PTPRE: variants seen among roughly 807,000 people sequenced by gnomAD.
The protein encoded by PTPRE is protein tyrosine phosphatase receptor type E, also known as receptor-type tyrosine-protein phosphatase epsilon.
Under a neutral mutation model 102.0 loss-of-function variants are expected in PTPRE, and 51 were observed. The observed-to-expected ratio is 0.50, with a 90% CI of 0.40 to 0.63. The LOEUF is 0.63. Among genes scored for constraint, PTPRE ranks in the 30% least tolerant of loss-of-function variants. The pLI is 0.00. For synonymous variants in PTPRE, 345 were observed against 348.2 expected (o/e 0.99, Z 0.10); for missense variants, 752 against 915.1 (o/e 0.82, Z 2.30).
At chr10:128,011,068 G>A (rs1844973749) in intron 2 of PTPRE, among the ~76,000 whole-genome samples, 1 of 152,166 alleles carries the variant, frequency 6.6e-6, no homozygotes, top group Non-Finnish European at 1.5e-5. Context: ...AATATTTATG[G>A]AAGAATCGAT....
chr10:127,979,664 T>G (rs577647779), intron 1 of PTPRE, among the ~76,000 whole-genome samples: 54 of 152,348 alleles, frequency 3.5e-4, no homozygotes, highest in Non-Finnish European at 5.9e-4. Flanking sequence ...GAGTTCAGTG[T>G]ATTCTTGCCT....
intron 2 of PTPRE, among the ~76,000 whole-genome samples, chr10:127,982,541 C>T (rs996241750): frequency 6.7e-6 from 1 of 150,330 alleles, no homozygotes; most frequent in Non-Finnish European, 1.5e-5. Flanking sequence ...AAATTTGGCT[C>T]AGCTGCTTGG....
intron 2 of PTPRE, among the ~76,000 whole-genome samples, chr10:128,040,430 T>C (rs1847579795): frequency 6.6e-6 from 1 of 151,928 alleles, no homozygotes; most frequent in African/African-American, 2.4e-5. Context: ...TTGCTGGGTG[T>C]GAAGAGGACA....
At chr10:127,956,760 A>G (rs1849434445) in intron 1 of PTPRE, among the ~76,000 whole-genome samples, 1 of 152,224 alleles carries the variant, frequency 6.6e-6, no homozygotes, top group Non-Finnish European at 1.5e-5. Context: ...GATTTTGGCT[A>G]TTACAATAGG....
chr10:127,911,404 G>T (rs1338091263), intron 1 of PTPRE, among the ~76,000 whole-genome samples: 1 of 152,142 alleles, frequency 6.6e-6, no homozygotes, highest in Non-Finnish European at 1.5e-5. Context: ...AACCAGGCTG[G>T]GTGTGAGGCA....
At chr10:127,919,735 G>A (rs114036643) in intron 1 of PTPRE, among the ~76,000 whole-genome samples, 2,143 of 152,288 alleles carry the variant, frequency 0.014, 56 homozygotes, top group African/African-American at 0.049. Flanking sequence ...TGTGGTTTCC[G>A]CCTGGCAAAT....
At chr10:127,982,448 C>G (rs1400648912) in intron 2 of PTPRE, among the ~76,000 whole-genome samples, 152 bp downstream of exon 2, 1 of 151,504 alleles carries the variant, frequency 6.6e-6, no homozygotes, top group East Asian at 1.9e-4. Flanking sequence ...CCTTACCTTG[C>G]TTGAGCAGGC....
At chr10:127,917,343 C>T (rs1301373118) in intron 1 of PTPRE, among the ~76,000 whole-genome samples, 2 of 152,030 alleles carry the variant, frequency 1.3e-5, no homozygotes, top group African/African-American at 2.4e-5. Flanking sequence ...CTGATGGTGC[C>T]AATGTTTGTG....
At chr10:127,918,024 A>T (rs543301408) in intron 1 of PTPRE, among the ~76,000 whole-genome samples, 1 of 151,986 alleles carries the variant, frequency 6.6e-6, no homozygotes, top group Non-Finnish European at 1.5e-5. Context: ...GTGAGACACC[A>T]TCTCAAAAAA....
chr10:127,959,030 G>A (rs976002312), intron 1 of PTPRE, among the ~76,000 whole-genome samples: 11 of 151,832 alleles, frequency 7.2e-5, no homozygotes, highest in African/African-American at 2.4e-4. Flanking sequence ...CCGAATAGCT[G>A]GGATTACAGG....
At position 128,070,790 on chromosome 10, in the gene PTPRE, T is replaced by C; in HGVS notation, c.1294-18T>C. ...TGTCAGAGGTTTAACTGTGTCATTATATCCTTCTCTGCTGCAGAAATTGAC... is the reference window on the plus strand; with the variant it reads ...TGTCAGAGGTTTAACTGTGTCATTACATCCTTCTCTGCTGCAGAAATTGAC... On this transcript the variant is annotated intron_variant, in intron 14 of 20. Coordinates refer to ENST00000254667, the MANE Select transcript of PTPRE (RefSeq NM_006504.6). The surrounding 1 kb of genome is among the most constrained non-coding windows in gnomAD (Gnocchi z 4.8). 6.2e-7 allele frequency: 1 copy of C among 1,607,434 alleles called. No individual in the cohort carries two copies. The highest frequency in any genetic ancestry group is 8.5e-7 in the Non-Finnish European group (1 of 1,173,940).
chr10:127,912,315 CAT>C, intron 1 of PTPRE, among the ~76,000 whole-genome samples: 1 of 152,264 alleles, frequency 6.6e-6, no homozygotes, highest in African/African-American at 2.4e-5. Context: ...GAAAAATAAA[CAT>C]ATCCTTTTAT....
In PTPRE at chr10:128,008,256, TCTCCCTCATTCCCTCCCTCCCTCC is replaced by T. The variant is rs1489389622; in HGVS notation, c.-8+25965_-8+25988del. Among the ~76,000 whole-genome samples the T allele has an allele frequency of 8.5e-6, 1 of 117,588 alleles. No homozygotes were observed. Among genetic ancestry groups the T allele is most frequent in the Non-Finnish European group, 1.7e-5 (1 of 57,238 alleles). 77.1% of individuals were successfully genotyped at this position (117,588 alleles called of 152,430 possible). A position where few individuals can be genotyped will look rare whatever the true frequency, so the allele number is the denominator to read the frequency against. ...CCCTCCCTTTCACCCTCCCTCCCTC[TCTCCCTCATTCCCTCCCTCCCTCC>T]CTCCAGGTGCCTTTGCAGCCTCAGG... On this transcript the variant is annotated intron_variant, in intron 2 of 20. Transcript: ENST00000254667. The surrounding 1 kb of genome is among the most constrained non-coding windows in gnomAD (Gnocchi z 4.0).
Position 128,028,205 on chromosome 10 carries a change from C to T in PTPRE, c.-7-12670C>T, listed in dbSNP as rs1846428481. Reference sequence around the variant, plus strand: ...GGAGGTTAGCCATGTTTGTCAGGCTCAGGGAGAAGTGAGGAGGCCTCCTTA... The same window carrying T: ...GGAGGTTAGCCATGTTTGTCAGGCTTAGGGAGAAGTGAGGAGGCCTCCTTA... On this transcript the variant is annotated intron_variant, in intron 2 of 20. Transcript: ENST00000254667. This position sits in a 1 kb window ranked among gnomAD's most constrained non-coding sequence, Gnocchi z 4.5. Among the ~76,000 whole-genome samples, 1 of 152,182 alleles carries T rather than the reference C, an allele frequency of 6.6e-6. No homozygotes were observed. Among genetic ancestry groups the T allele is most frequent in the Non-Finnish European group, 1.5e-5 (1 of 68,030 alleles).
At chr10:127,997,624 A>T (rs1429603798) in intron 2 of PTPRE, among the ~76,000 whole-genome samples, 1 of 152,252 alleles carries the variant, frequency 6.6e-6, no homozygotes, top group Non-Finnish European at 1.5e-5. Context: ...TATGTGTACT[A>T]GTTACAAATA....
At chr10:128,050,817 G>A (rs1848511406) in intron 6 of PTPRE, among the ~76,000 whole-genome samples, 1 of 152,228 alleles carries the variant, frequency 6.6e-6, no homozygotes, top group East Asian at 1.9e-4. Context: ...GTAAACAACA[G>A]TGTTGTGCAG....
At chr10:128,016,132 G>C (rs1242646182) in intron 2 of PTPRE, among the ~76,000 whole-genome samples, 1 of 152,150 alleles carries the variant, frequency 6.6e-6, no homozygotes, top group Non-Finnish European at 1.5e-5. Context: ...TGTTCCTCCA[G>C]GGGACCAGGG....
intron 1 of PTPRE, among the ~76,000 whole-genome samples, chr10:127,909,992 C>T (rs1845758257): frequency 6.6e-6 from 1 of 152,172 alleles, no homozygotes; most frequent in Non-Finnish European, 1.5e-5. Context: ...GGGAGGCAGG[C>T]TTGGGAGCAG....
At chr10:127,995,061 A>G (rs958256198) in intron 2 of PTPRE, among the ~76,000 whole-genome samples, 8 of 152,138 alleles carry the variant, frequency 5.3e-5, no homozygotes, top group African/African-American at 1.9e-4. Context: ...GCCCACCAAA[A>G]AAAGTAAATC....
Sources: gnomAD v4.1 joint callset for allele counts (sites outside exome capture counted in the v4.1 genomes callset) on GRCh38, gnomAD v4.1.1 for gene constraint, Gnocchi (gnomAD v3.1) non-coding constraint, MANE v1.5 for transcripts, NCBI Gene and HGNC (gene_info 2026-07-23, HGNC 2026-07-21) for gene names.